FERMT1: variants seen among roughly 807,000 people sequenced by gnomAD.
FERMT1 encodes the protein FERM domain containing kindlin 1.
Under a neutral mutation model 85.3 loss-of-function variants are expected in FERMT1, and 60 were observed. The ratio of observed to expected loss-of-function variants is 0.70; its 90% CI spans 0.57 to 0.87. The LOEUF is 0.87. Ranked by LOEUF, FERMT1 falls within the 40% of genes least tolerant of loss-of-function variation. The pLI, the probability that FERMT1 is intolerant of heterozygous loss-of-function variation, is 0.00. For synonymous variants in FERMT1, 275 were observed against 301.1 expected (o/e 0.91, Z 0.90); for missense variants, 701 against 818.9 (o/e 0.86, Z 1.76).
chr20:6,121,779 C>T (rs1600453560), intron 1 of FERMT1, among the ~76,000 whole-genome samples: 1 of 152,336 alleles, frequency 6.6e-6, no homozygotes, highest in East Asian at 1.9e-4. Context: ...AACTCTTATT[C>T]ACCACACTGG....
At chr20:6,080,165 T>A (rs1015675041) in intron 13 of FERMT1, among the ~76,000 whole-genome samples, 5 of 152,042 alleles carry the variant, frequency 3.3e-5, no homozygotes, top group Non-Finnish European at 4.4e-5. Context: ...ATTTTTTTTT[T>A]AATGTGCTTA....
intron 11 of FERMT1, among the ~76,000 whole-genome samples, chr20:6,087,371 T>C (rs1982215247): frequency 6.6e-6 from 1 of 152,194 alleles, no homozygotes; most frequent in Non-Finnish European, 1.5e-5. Context: ...AGTGCGGTGG[T>C]GCCATCTTGG....
intron 10 of FERMT1, 86 bp downstream of exon 10, chr20:6,088,879 C>T (rs1213276563): frequency 7.3e-7 from 1 of 1,375,648 alleles, no homozygotes; most frequent in African/African-American, 1.4e-5. Flanking sequence ...CCGCCTCAGC[C>T]TCCCAAAGTG....
rs60811855 is a variant in FERMT1 at position 6,104,135 on chromosome 20, T to C, written c.849+3397A>G. On this transcript the variant is annotated intron_variant, in intron 6 of 14. Transcript: ENST00000217289. This position sits in a 1 kb window ranked among gnomAD's most constrained non-coding sequence, Gnocchi z 4.2. ...ATCCACCCGCCTCAGCCTCCCAAAG[T>C]ACTGTGATTACAGGCATGAGCCCCT... 0.082 allele frequency among the ~76,000 whole-genome samples: 12,513 copies of C among 152,178 alleles called. 1,054 individuals are homozygous for C. Among genetic ancestry groups the C allele is most frequent in the East Asian group, 0.46 (2,389 of 5,154 alleles).
chr20:6,083,925 A>C, intron 13 of FERMT1, 115 bp downstream of exon 13: 1 of 1,226,966 alleles, frequency 8.2e-7, no homozygotes, highest in South Asian at 1.3e-5. Flanking sequence ...TAAAAGGGCA[A>C]TATTCTCAAA....
At chr20:6,097,176 G>A (rs1982527905) in intron 7 of FERMT1, 143 bp from the exon 8 acceptor site, 1 of 867,342 alleles carries the variant, frequency 1.2e-6, no homozygotes, top group East Asian at 2.6e-5. Context: ...TCCCGTGTGG[G>A]GAAAATGACA....
chr20:6,082,949 C>T (rs1042306114), intron 13 of FERMT1, among the ~76,000 whole-genome samples: 3 of 152,082 alleles, frequency 2.0e-5, no homozygotes, highest in Non-Finnish European at 2.9e-5. Context: ...CGTGAGCCAC[C>T]GCGCCCAGCT....
chr20:6,085,204 C>A lies in FERMT1; in HGVS notation c.1455G>T (p.Glu485Asp). 6.2e-7 allele frequency: 1 copy of A among 1,614,098 alleles called. No individual in the cohort carries two copies. The highest frequency in any genetic ancestry group is 1.1e-5 in the South Asian group (1 of 91,082). ...TCAGAAATGAAAGGATGTTGAGGAC[C>A]TCTGGCTGGTAGGAGCTGTCTGCCA... The part of the protein sequence containing the change: ...KTMADSSYQP[E>D]VLNILSFLRM... Residue 485 changes from glutamate to aspartate, a missense_variant, in exon 12 of 15, where the codon GAG (glutamate) becomes GAT (aspartate). By Grantham distance (45) the Glu-to-Asp change is conservative (BLOSUM62 2). Transcript: ENST00000217289.
chr20:6,110,256 C>T lies in FERMT1; in HGVS notation c.746+42G>A, dbSNP rs113719368. ...CGTGACATCCCATCTCTTACTGTGT[C>T]GGCACTAGCTCAGAGAGAAGTAAAA... On this transcript the variant is annotated intron_variant, in intron 5 of 14. Coordinates refer to ENST00000217289, the MANE Select transcript of FERMT1 (RefSeq NM_017671.5). 9,223 of 1,496,012 alleles carry T rather than the reference C, an allele frequency of 6.2e-3. 49 individuals are homozygous for T. The highest frequency in any genetic ancestry group is 7.7e-3 in the Non-Finnish European group (8,244 of 1,076,606). 92.7% of individuals were successfully genotyped at this position (1,496,012 alleles called of 1,614,324 possible).
At chr20:6,103,950 A>C (rs1470911263) in intron 6 of FERMT1, among the ~76,000 whole-genome samples, 37 of 151,838 alleles carry the variant, frequency 2.4e-4, no homozygotes, top group Non-Finnish European at 1.5e-5. Context: ...GGCTCACTGC[A>C]ACCTCTGCTT....
At chr20:6,111,449 T>C (rs899779473) in intron 4 of FERMT1, among the ~76,000 whole-genome samples, 1 of 152,034 alleles carries the variant, frequency 6.6e-6, no homozygotes, top group Non-Finnish European at 1.5e-5. Flanking sequence ...CTGGCCAACA[T>C]GGCAAAACCC....
In FERMT1 at chr20:6,099,373, C is replaced by A. The variant is rs950740644; in HGVS notation, c.850-1742G>T. ...TGAGCCAAGATTGCAGCACTGCACT[C>A]TAGCCTGGGCAACAAGAGTGAGACT... On this transcript the variant is annotated intron_variant, in intron 6 of 14. Coordinates refer to ENST00000217289, the MANE Select transcript of FERMT1 (RefSeq NM_017671.5). Among the ~76,000 whole-genome samples, 5 of 148,046 alleles carry A rather than the reference C, an allele frequency of 3.4e-5. No individual in the cohort carries two copies. The South Asian group carries it at 1.1e-3, about 32-fold the overall frequency.
intron 11 of FERMT1, among the ~76,000 whole-genome samples, chr20:6,086,367 A>G (rs1433125989): frequency 1.3e-5 from 2 of 152,196 alleles, no homozygotes; most frequent in Non-Finnish European, 2.9e-5. Context: ...AATCATGGCC[A>G]TTATGGGATC....
intron 13 of FERMT1, among the ~76,000 whole-genome samples, chr20:6,082,801 G>A (rs2123095330): frequency 6.6e-6 from 1 of 152,218 alleles, no homozygotes; most frequent in South Asian, 2.1e-4. Flanking sequence ...GACTACAGCT[G>A]CACACCACCA....
chr20:6,111,051 C>G (rs1416123159), intron 4 of FERMT1, among the ~76,000 whole-genome samples: 1 of 152,194 alleles, frequency 6.6e-6, no homozygotes, highest in Non-Finnish European at 1.5e-5. Context: ...ACTCTCCTGT[C>G]TGAGCCTCCT....
chr20:6,089,317 T>C (rs1296422072), intron 9 of FERMT1, among the ~76,000 whole-genome samples: 1 of 152,240 alleles, frequency 6.6e-6, no homozygotes, highest in Non-Finnish European at 1.5e-5. Flanking sequence ...TCTGCTACTG[T>C]CTACACGTGT....
rs568725942 is a variant in FERMT1, at chr20:6,090,927, G to A, written c.1140-1838C>T. Among the ~76,000 whole-genome samples the A allele has an allele frequency of 1.6e-4, 25 of 152,062 alleles. No individual in the cohort carries two copies. In the South Asian group the frequency reaches 4.8e-3, roughly 29 times the overall value. ...GTCTGTAATCCCAGCACTTTGGGAG[G>A]CCGAGGCAGGCTGATCACTTGAGCT... On this transcript the variant is annotated intron_variant, in intron 9 of 14. Transcript: ENST00000217289.
At chr20:6,108,708 G>C (rs1352943753) in intron 5 of FERMT1, among the ~76,000 whole-genome samples, 2 of 151,976 alleles carry the variant, frequency 1.3e-5, no homozygotes, top group Admixed American at 1.3e-4. Flanking sequence ...TACTTGGGAG[G>C]CTGAGGCAGG....
chr20:6,089,560 G>T (rs138118655), intron 9 of FERMT1, among the ~76,000 whole-genome samples: 2 of 152,184 alleles, frequency 1.3e-5, no homozygotes, highest in African/African-American at 4.8e-5. Flanking sequence ...ATTTGAAAAA[G>T]CTGTCGATAT....
Sources: gnomAD v4.1 joint callset for allele counts (sites outside exome capture counted in the v4.1 genomes callset) on GRCh38, gnomAD v4.1.1 for gene constraint, Gnocchi (gnomAD v3.1) non-coding constraint, MANE v1.5 for transcripts, NCBI Gene and HGNC (gene_info 2026-07-23, HGNC 2026-07-21) for gene names.